The following AURKAIP1 variants were observed in gnomAD, a reference collection of about 807,000 sequenced individuals.
AURKAIP1 encodes the protein small ribosomal subunit protein bS22, mitochondrial.
In AURKAIP1, 20 loss-of-function variants were observed where a neutral mutation model predicts 18.4. That is an observed-to-expected ratio of 1.09 (90% CI 0.77 to 1.58). The LOEUF (loss-of-function observed/expected upper bound fraction) is 1.58. AURKAIP1 is among the 40% of genes most tolerant of loss of function. The pLI is 0.00. For synonymous variants in AURKAIP1, 156 were observed against 120.8 expected, an observed-to-expected ratio of 1.29 and a Z score of -1.91; for missense variants, 319 against 270.7, an observed-to-expected ratio of 1.18 and a Z score of -1.25.
rs1362501628 is a variant in AURKAIP1, at chr1:1,374,392, G to T, written c.106C>A (p.Pro36Thr). The change falls in exon 3 of 4, where the codon CCC (proline) becomes ACC (threonine). Residue 36 changes from proline (P) to threonine (T), a missense_variant. Transcript: ENST00000338338. The stretch of plus-strand genomic sequence containing the variant: ...CCGGCCGGCGATGTGCTGTAAAGGG[G>T]CCCGCAGACCCGGCTGCCCAGCACT... ...SGVLGSRVCG[P>T]LYSTSPAGPG... 1.3e-6 allele frequency: 2 copies of T among 1,481,914 alleles called. No homozygotes were observed. The highest frequency in any genetic ancestry group is 1.8e-6 in the Non-Finnish European group (2 of 1,122,682). 91.8% of individuals were successfully genotyped at this position (1,481,914 alleles called of 1,614,324 possible). A position where few individuals can be genotyped will look rare whatever the true frequency, so the allele number is the denominator to read the frequency against.
Position 1,373,794 on chromosome 1 carries a change from G to A in AURKAIP1, c.*7C>T, listed in dbSNP as rs1226378977. The A allele has an allele frequency of 1.3e-5, 21 of 1,596,438 alleles. No homozygotes were observed. The highest frequency in any genetic ancestry group is 3.3e-5 in the South Asian group (3 of 90,968). On this transcript the variant is annotated 3_prime_UTR_variant, in exon 4 of 4. Coordinates refer to ENST00000338338, the MANE Select transcript of AURKAIP1 (RefSeq NM_017900.3). ...AGCAGCAACGGGCGGGAAGGGCGGC[G>A]CCAGACTCATTTGCCCCGCAGGTAG...
Position 1,374,837 on chromosome 1 carries a change from G to C in AURKAIP1, c.-34-47C>G. ...AGGTCAGGCGGCAGCGCCTTCAGTAGTCGCGGGCGGGCCGGGACTGGGGCG... is the reference window on the plus strand; with the variant it reads ...AGGTCAGGCGGCAGCGCCTTCAGTACTCGCGGGCGGGCCGGGACTGGGGCG... On this transcript the variant is annotated intron_variant, in intron 1 of 3. Coordinates refer to ENST00000338338, the MANE Select transcript of AURKAIP1 (RefSeq NM_017900.3). 3 of 1,385,834 alleles carry C rather than the reference G, an allele frequency of 2.2e-6. No individual in the cohort carries two copies. In the South Asian group the frequency reaches 4.0e-5, roughly 18 times the overall value. The allele number at this position is 1,385,834 out of a possible 1,614,324, so 85.8% of individuals were successfully genotyped here. A position where few individuals can be genotyped will look rare whatever the true frequency, so the allele number is the denominator to read the frequency against.
At position 1,374,463 on chromosome 1, in the gene AURKAIP1, C is replaced by T. The variant is rs774629915; in HGVS notation, c.53-18G>A. 2.2e-5 allele frequency: 31 copies of T among 1,440,422 alleles called. No homozygotes were observed. The highest frequency in any genetic ancestry group is 2.6e-5 in the Non-Finnish European group (29 of 1,101,046). The allele number at this position is 1,440,422 out of a possible 1,614,324, so 89.2% of individuals were successfully genotyped here. A position where few individuals can be genotyped will look rare whatever the true frequency, so the allele number is the denominator to read the frequency against. On this transcript the variant is annotated intron_variant, in intron 2 of 3. Transcript: ENST00000338338. ...GCGGCCGCCTGCAGAAAACCAGACGCCACGGTCACCGCTCGCGAGACCACA... is the reference window on the plus strand; with the variant it reads ...GCGGCCGCCTGCAGAAAACCAGACGTCACGGTCACCGCTCGCGAGACCACA...
In AURKAIP1 at chr1:1,374,598, G is replaced by A. The variant is rs374922558; in HGVS notation, c.52+107C>T. Reference sequence around the variant, plus strand: ...CTCTGTGAGCATCGGAAGCTTAGAGGGGAAAGAGTGTGTGTGTGGCCACCG... The same window carrying A: ...CTCTGTGAGCATCGGAAGCTTAGAGAGGAAAGAGTGTGTGTGTGGCCACCG... On this transcript the variant is annotated intron_variant, in intron 2 of 3. Transcript: ENST00000338338. The A allele has an allele frequency of 2.1e-4, 294 of 1,403,758 alleles. 1 individual carries two copies. The African/African-American group carries it at 3.7e-3, about 18-fold the overall frequency. 87.0% of individuals were successfully genotyped at this position (1,403,758 alleles called of 1,614,324 possible).
intron 3 of AURKAIP1, 21 bp from the exon 4 acceptor site, chr1:1,373,923 G>A (rs748902422): frequency 6.2e-6 from 10 of 1,609,086 alleles, no homozygotes; most frequent in African/African-American, 1.3e-5. Context: ...CAGAGAGAGG[G>A]ACCGCCAAGT....
At position 1,374,428 on chromosome 1, in the gene AURKAIP1, G is replaced by A. The variant is rs868461849; in HGVS notation, c.70C>T (p.Pro24Ser). ...CGGCTGCCCAGCACTCCAGAGACGG[G>A]CCAAGGCGGGCGGCCGCCTGCAGAA... is the stretch of plus-strand genomic sequence containing the variant. ...VPWAGGRPPWPVSGVLGSRVC... is the reference protein window; with the variant it reads ...VPWAGGRPPWSVSGVLGSRVC... Residue 24 changes from proline (P) to serine (S), a missense_variant, in exon 3 of 4, where the codon CCC (proline) becomes TCC (serine). Pro to Ser is a moderately conservative substitution (Grantham distance 74). Coordinates refer to ENST00000338338, the MANE Select transcript of AURKAIP1 (RefSeq NM_017900.3). The A allele has an allele frequency of 4.8e-6, 7 of 1,451,450 alleles. No individual in the cohort carries two copies. The highest frequency in any genetic ancestry group is 4.3e-5 in the African/African-American group (3 of 70,298). 89.9% of individuals were successfully genotyped at this position (1,451,450 alleles called of 1,614,324 possible).
rs373071568 is a variant in AURKAIP1, at chr1:1,374,068, G to C, written c.430C>G (p.Arg144Gly). ...RRRKMNHHKYRKLVKKTRFLR... is the reference protein window; with the variant it reads ...RRRKMNHHKYGKLVKKTRFLR... ...AACCGCGTCTTCTTCACCAGCTTCC[G>C]GTACTTGTGGTGGTTCATCTTCCGC... Residue 144 changes from arginine (R) to glycine (G), a missense_variant, in exon 3 of 4, where the codon CGG (arginine) becomes GGG (glycine). Arg to Gly is a moderately radical substitution (Grantham distance 125, BLOSUM62 -2). Coordinates refer to ENST00000338338, the MANE Select transcript of AURKAIP1 (RefSeq NM_017900.3). 36 of 1,609,110 alleles carry C rather than the reference G, an allele frequency of 2.2e-5. No homozygotes were observed. The highest frequency in any genetic ancestry group is 3.1e-5 in the Non-Finnish European group (36 of 1,176,948).
rs1317924093 is a variant in AURKAIP1 at position 1,374,007 on chromosome 1, CG to C, written c.490del (p.Arg164AlafsTer10). 1.2e-6 allele frequency: 2 copies of C among 1,607,638 alleles called. No homozygotes were observed. Among genetic ancestry groups the C allele is most frequent in the Non-Finnish European group, 1.7e-6 (2 of 1,178,848 alleles). On this transcript the variant is annotated frameshift_variant, in exon 3 of 4. Coordinates refer to ENST00000338338, the MANE Select transcript of AURKAIP1 (RefSeq NM_017900.3). LOFTEE classifies it high-confidence loss of function. ...RRKVQEGRLRRKQIKFEKDLR... is the reference protein window; with the variant it reads ...RRKVQEGRLRXKQIKFEKDLR... Reference sequence around the variant, plus strand: ...AAGCAGGGGGCCACTCACCTGCTTGCGTCTCAGGCGTCCCTCCTGGACCTTC... The same window carrying C: ...AAGCAGGGGGCCACTCACCTGCTTGCTCTCAGGCGTCCCTCCTGGACCTTC...
chr1:1,374,130 G>A lies in AURKAIP1; in HGVS notation c.368C>T (p.Pro123Leu), dbSNP rs768919937. 3 of 1,613,828 alleles carry A rather than the reference G, an allele frequency of 1.9e-6. No individual in the cohort carries two copies. Among genetic ancestry groups the A allele is most frequent in the Admixed American group, 1.7e-5 (1 of 60,008 alleles). The change falls in exon 3 of 4, where the codon CCT (proline) becomes CTT (leucine). Residue 123 changes from proline to leucine, a missense_variant. Pro to Leu is a moderately conservative substitution (Grantham distance 98). Coordinates refer to ENST00000338338, the MANE Select transcript of AURKAIP1 (RefSeq NM_017900.3). ...EQGDEGVADA[P>L]QIQCKNVLKI... ...CAGCACGTTTTTGCACTGAATTTGA[G>A]GCGCATCCGCGACGCCTTCATCCCC...
In AURKAIP1 at chr1:1,374,124, AT is replaced by A. The variant is rs749064775; in HGVS notation, c.373del (p.Ile125PhefsTer7). ...GATCTTCAGCACGTTTTTGCACTGA[AT>A]TTGAGGCGCATCCGCGACGCCTTCA... ...GDEGVADAPQ[I>X]QCKNVLKIRR... On this transcript the variant is annotated frameshift_variant, in exon 3 of 4. Coordinates refer to ENST00000338338, the MANE Select transcript of AURKAIP1 (RefSeq NM_017900.3). LOFTEE classifies it high-confidence loss of function. 4 of 1,613,742 alleles carry A rather than the reference AT, an allele frequency of 2.5e-6. No homozygotes were observed. Among genetic ancestry groups the A allele is most frequent in the Non-Finnish European group, 3.4e-6 (4 of 1,179,954 alleles).
chr1:1,374,794 G>T lies in AURKAIP1; in HGVS notation c.-34-4C>A. 1 of 1,544,418 alleles carries T rather than the reference G, an allele frequency of 6.5e-7. No homozygotes were observed. Among genetic ancestry groups the T allele is most frequent in the Non-Finnish European group, 8.7e-7 (1 of 1,143,232 alleles). On this transcript the variant is annotated splice_region_variant and splice_polypyrimidine_tract_variant and intron_variant, in intron 1 of 3. Transcript: ENST00000338338. Reference sequence around the variant, plus strand: ...GCGGCCACAGGTCCCAGGGGAGCTGGAACACAAGTGCCCGTTCAGGTCAGG... The same window carrying T: ...GCGGCCACAGGTCCCAGGGGAGCTGTAACACAAGTGCCCGTTCAGGTCAGG...
intron 2 of AURKAIP1, 60 bp from the exon 3 acceptor site, chr1:1,374,505 A>C (rs35745967): frequency 7.1e-7 from 1 of 1,411,416 alleles, no homozygotes; most frequent in Non-Finnish European, 9.3e-7. Flanking sequence ...CGTCGGGTTG[A>C]GGAGCAGCAG....
rs1451480716 is a variant in AURKAIP1, at chr1:1,374,790, G to C, written c.-34C>G. The C allele has an allele frequency of 1.3e-6, 2 of 1,547,650 alleles. No individual in the cohort carries two copies. The highest frequency in any genetic ancestry group is 2.4e-5 in the South Asian group (2 of 83,896). On this transcript the variant is annotated splice_region_variant and 5_prime_UTR_variant, in exon 2 of 4. Coordinates refer to ENST00000338338, the MANE Select transcript of AURKAIP1 (RefSeq NM_017900.3). ...GGCGGCGGCCACAGGTCCCAGGGGA[G>C]CTGGAACACAAGTGCCCGTTCAGGT...
Position 1,374,438 on chromosome 1 carries a change from G to C in AURKAIP1, c.60C>G (p.Arg20=). 1 of 1,446,070 alleles carries C rather than the reference G, an allele frequency of 6.9e-7. No homozygotes were observed. The highest frequency in any genetic ancestry group is 9.1e-7 in the Non-Finnish European group (1 of 1,104,654). 89.6% of individuals were successfully genotyped at this position (1,446,070 alleles called of 1,614,324 possible). A position where few individuals can be genotyped will look rare whatever the true frequency, so the allele number is the denominator to read the frequency against. ...LLRAVPWAGG[R]PPWPVSGVLG... Reference sequence around the variant, plus strand: ...GCACTCCAGAGACGGGCCAAGGCGGGCGGCCGCCTGCAGAAAACCAGACGC... The same window carrying C: ...GCACTCCAGAGACGGGCCAAGGCGGCCGGCCGCCTGCAGAAAACCAGACGC... Residue 20 remains arginine (R), a synonymous_variant, in exon 3 of 4, where the codon CGC becomes CGG. Transcript: ENST00000338338.
At position 1,374,720 on chromosome 1, in the gene AURKAIP1, C is replaced by A; in HGVS notation, c.37G>T (p.Ala13Ser). ...LGRLTSQLLR[A>S]VPWAGGRPPW... ...GGCTTCCTACCTGCCCAAGGAACGG[C>A]CCTCAACAGCTGGGAAGTCAGGCGC... The change falls in exon 2 of 4, where the codon GCC (alanine) becomes TCC (serine). Residue 13 changes from alanine (A) to serine (S), a missense_variant. Physicochemically the swap from Ala to Ser is moderately conservative, Grantham distance 99. Coordinates refer to ENST00000338338, the MANE Select transcript of AURKAIP1 (RefSeq NM_017900.3). The A allele has an allele frequency of 6.4e-7, 1 of 1,561,348 alleles. No homozygotes were observed. The highest frequency in any genetic ancestry group is 8.7e-7 in the Non-Finnish European group (1 of 1,152,946).
intron 2 of AURKAIP1, 30 bp downstream of exon 2, chr1:1,374,675 C>T (rs1234534991): frequency 6.4e-7 from 1 of 1,551,790 alleles, no homozygotes. Context: ...AGGTGTGCAT[C>T]CTCCCATCCG....
At position 1,374,303 on chromosome 1, in the gene AURKAIP1, G is replaced by C; in HGVS notation, c.195C>G (p.Val65=). 1 of 1,588,488 alleles carries C rather than the reference G, an allele frequency of 6.3e-7. No individual in the cohort carries two copies. Among genetic ancestry groups the C allele is most frequent in the Non-Finnish European group, 8.6e-7 (1 of 1,168,936 alleles). Residue 65 remains valine (V), a synonymous_variant, in exon 3 of 4, where the codon GTC becomes GTG. Transcript: ENST00000338338. ...GGGGGCTGACGGACATCTTCCTGGG[G>C]ACCAGCATCTCCTCCAGCTCCAGCT... ...GAQLELEEML[V]PRKMSVSPLE...
Position 1,374,809 on chromosome 1 carries a change from T to C in AURKAIP1, c.-34-19A>G. 1 of 1,526,376 alleles carries C rather than the reference T, an allele frequency of 6.6e-7. No individual in the cohort carries two copies. The highest frequency in any genetic ancestry group is 1.2e-5 in the South Asian group (1 of 82,856). The allele number at this position is 1,526,376 out of a possible 1,614,324, so 94.6% of individuals were successfully genotyped here. A position where few individuals can be genotyped will look rare whatever the true frequency, so the allele number is the denominator to read the frequency against. ...AGGGGAGCTGGAACACAAGTGCCCG[T>C]TCAGGTCAGGCGGCAGCGCCTTCAG... is the stretch of plus-strand genomic sequence containing the variant. On this transcript the variant is annotated intron_variant, in intron 1 of 3. Transcript: ENST00000338338.
chr1:1,374,397 C>G lies in AURKAIP1; in HGVS notation c.101G>C (p.Cys34Ser). 1.4e-6 allele frequency: 2 copies of G among 1,475,358 alleles called. No homozygotes were observed. 91.4% of individuals were successfully genotyped at this position (1,475,358 alleles called of 1,614,324 possible). ...CGGCGATGTGCTGTAAAGGGGCCCGCAGACCCGGCTGCCCAGCACTCCAGA... is the reference window on the plus strand; with the variant it reads ...CGGCGATGTGCTGTAAAGGGGCCCGGAGACCCGGCTGCCCAGCACTCCAGA... Reference protein sequence around the residue: ...PVSGVLGSRVCGPLYSTSPAG... With the variant: ...PVSGVLGSRVSGPLYSTSPAG... The change falls in exon 3 of 4, where the codon TGC becomes TCC. Residue 34 changes from cysteine (C) to serine (S), a missense_variant. By Grantham distance (112) the Cys-to-Ser change is moderately radical. Coordinates refer to ENST00000338338, the MANE Select transcript of AURKAIP1 (RefSeq NM_017900.3).
Sources: gnomAD v4.1 joint callset for allele counts on GRCh38, gnomAD v4.1.1 for gene constraint, MANE v1.5 for transcripts, NCBI Gene and HGNC (gene_info 2026-07-23, HGNC 2026-07-21) for gene names.